Variants in RGS18 observed in about 807,000 individuals in gnomAD.
The protein encoded by RGS18 is regulator of G-protein signaling 18.
RGS18 carries 22 observed loss-of-function variants against 27.6 expected under a neutral mutation model. That is an observed-to-expected ratio of 0.80 (90% CI 0.57 to 1.14). The LOEUF is 1.14. Among genes scored for constraint, RGS18 ranks in the 50% most tolerant of loss-of-function variants. RGS18 has a pLI of 0.00. For synonymous variants in RGS18, 89 were observed against 84.6 expected, an observed-to-expected ratio of 1.05 and a Z score of -0.29; for missense variants, 299 against 269.6, an observed-to-expected ratio of 1.11 and a Z score of -0.76.
intron 4 of RGS18, among the ~76,000 whole-genome samples, chr1:192,181,758 A>G (rs1308635466): frequency 6.6e-6 from 1 of 151,554 alleles, no homozygotes; most frequent in Non-Finnish European, 1.5e-5. Context: ...ATTATTATTC[A>G]CTATAATCAC....
At position 192,181,468 on chromosome 1, in the gene RGS18, A is replaced by C. The variant is rs752077940; in HGVS notation, c.450+10A>C. 1 of 1,495,688 alleles carries C rather than the reference A, an allele frequency of 6.7e-7. No homozygotes were observed. The highest frequency in any genetic ancestry group is 1.4e-5 in the South Asian group (1 of 69,586). The allele number at this position is 1,495,688 out of a possible 1,614,324, so 92.7% of individuals were successfully genotyped here. ...TGATGCCCCAAAAGAGGTACAGTAAAGATAACTGTAAAAATGCATAATTGC... is the reference window on the plus strand; with the variant it reads ...TGATGCCCCAAAAGAGGTACAGTAACGATAACTGTAAAAATGCATAATTGC... On this transcript the variant is annotated intron_variant, in intron 4 of 4. Coordinates refer to ENST00000367460, the MANE Select transcript of RGS18 (RefSeq NM_130782.3).
chr1:192,176,356 C>T (rs1372511122), intron 3 of RGS18, among the ~76,000 whole-genome samples: 1 of 151,808 alleles, frequency 6.6e-6, no homozygotes, highest in Non-Finnish European at 1.5e-5. Flanking sequence ...TTCAGCAAGA[C>T]TTCTTACTAT....
chr1:192,174,894 C>T (rs1656332037), intron 3 of RGS18, among the ~76,000 whole-genome samples: 1 of 151,704 alleles, frequency 6.6e-6, no homozygotes, highest in Non-Finnish European at 1.5e-5. Flanking sequence ...AATGTTATCT[C>T]ATCATTGATA....
intron 3 of RGS18, among the ~76,000 whole-genome samples, chr1:192,170,758 G>A (rs1248297178): frequency 6.6e-6 from 1 of 151,816 alleles, no homozygotes; most frequent in Admixed American, 6.6e-5. Context: ...TTATCAAGCT[G>A]CTGTCAATCA....
rs1303865842 is a variant in RGS18 at position 192,184,582 on chromosome 1, A to G, written c.*28A>G. 6.3e-7 allele frequency: 1 copy of G among 1,589,808 alleles called. No homozygotes were observed. Reference sequence around the variant, plus strand: ...AAAATTGATTTTGCTCATTTTTATGACAAACTTATACATCTGCTTCTAACA... The same window carrying G: ...AAAATTGATTTTGCTCATTTTTATGGCAAACTTATACATCTGCTTCTAACA... On this transcript the variant is annotated 3_prime_UTR_variant, in exon 5 of 5. Transcript: ENST00000367460.
chr1:192,168,025 A>G (rs1214557672), intron 3 of RGS18: 2 of 152,166 alleles, frequency 1.3e-5, no homozygotes, highest in East Asian at 3.9e-4. Flanking sequence ...TGCATTTCAT[A>G]TTTGTATGAC....
At chr1:192,183,555 AT>A (rs1656492008) in intron 4 of RGS18, among the ~76,000 whole-genome samples, 1 of 151,638 alleles carries the variant, frequency 6.6e-6, no homozygotes. Flanking sequence ...AGGACCAGGA[AT>A]TCCAGGAGAG....
At chr1:192,169,121 T>C (rs1440057923) in intron 3 of RGS18, 5 of 152,208 alleles carry the variant, frequency 3.3e-5, no homozygotes, top group Non-Finnish European at 7.4e-5. Flanking sequence ...AAATAACAAT[T>C]TCAGCTATCT....
chr1:192,169,810 C>T (rs1177490905), intron 3 of RGS18: 1 of 152,132 alleles, frequency 6.6e-6, no homozygotes, highest in African/African-American at 2.4e-5. Context: ...AGAAATAAGA[C>T]ATTTTAGAAT....
chr1:192,161,712 G>A (rs190397900), intron 3 of RGS18, among the ~76,000 whole-genome samples: 15 of 152,104 alleles, frequency 9.9e-5, no homozygotes, highest in South Asian at 6.2e-4. Flanking sequence ...TCCTTGTAGC[G>A]TTGCCCGTGT....
At chr1:192,165,675 C>A (rs1464432961) in intron 3 of RGS18, among the ~76,000 whole-genome samples, 1 of 152,112 alleles carries the variant, frequency 6.6e-6, no homozygotes. Context: ...CCCCTGATAC[C>A]TTCTGCAAAA....
At chr1:192,160,739 C>T (rs889901796) in intron 3 of RGS18, 18 of 323,806 alleles carry the variant, frequency 5.6e-5, no homozygotes, top group African/African-American at 3.4e-4. Context: ...TTATCAAATT[C>T]ATGATTAACG....
rs1020689502 is a variant in RGS18 at position 192,185,389 on chromosome 1, G to A, written c.*835G>A. The A allele has an allele frequency of 6.6e-6, 1 of 151,552 alleles. No individual in the cohort carries two copies. Among genetic ancestry groups the A allele is most frequent in the African/African-American group, 2.4e-5 (1 of 41,358 alleles). 9.4% of individuals were successfully genotyped at this position (151,552 alleles called of 1,614,324 possible). A position where few individuals can be genotyped will look rare whatever the true frequency, so the allele number is the denominator to read the frequency against. On this transcript the variant is annotated 3_prime_UTR_variant, in exon 5 of 5. Transcript: ENST00000367460. ...ATCAATGGCTTGAATAAAAACCAGA[G>A]AAGGTTTTTCCCAGGACGTCTCATG...
chr1:192,183,386 T>G (rs1656488760), intron 4 of RGS18, among the ~76,000 whole-genome samples: 1 of 151,610 alleles, frequency 6.6e-6, no homozygotes, highest in Non-Finnish European at 1.5e-5. Flanking sequence ...AGCCCCACAT[T>G]AAAATCTCAA....
In RGS18 at chr1:192,159,919, T is replaced by C. The variant is rs564482530; in HGVS notation, c.222-459T>C. On this transcript the variant is annotated intron_variant, in intron 2 of 4. Transcript: ENST00000367460. ...TCTTATCCCTTTGAAACTTTATTAG[T>C]CAAACTTCCTGTATCCGTTTAAAAA... Among the ~76,000 whole-genome samples the C allele has an allele frequency of 7.3e-4, 111 of 152,184 alleles. 1 individual carries two copies. The highest frequency in any genetic ancestry group is 2.5e-3 in the African/African-American group (103 of 41,556).
rs548011137 is a variant in RGS18 at position 192,181,544 on chromosome 1, C to T, written c.450+86C>T. 4.8e-4 allele frequency: 444 copies of T among 916,616 alleles called. 8 individuals are homozygous for T. The South Asian group carries it at 8.9e-3, about 18-fold the overall frequency. The allele number at this position is 916,616 out of a possible 1,614,324, so 56.8% of individuals were successfully genotyped here. A position where few individuals can be genotyped will look rare whatever the true frequency, so the allele number is the denominator to read the frequency against. On this transcript the variant is annotated intron_variant, in intron 4 of 4. Coordinates refer to ENST00000367460, the MANE Select transcript of RGS18 (RefSeq NM_130782.3). The stretch of plus-strand genomic sequence containing the variant: ...TTTTAAATTGTGAATTATATTTTTC[C>T]AACTTATTTTTATTAATTTCATTTA...
Position 192,184,715 on chromosome 1 carries a change from C to T in RGS18, c.*161C>T, listed in dbSNP as rs143343822. On this transcript the variant is annotated 3_prime_UTR_variant, in exon 5 of 5. Transcript: ENST00000367460. Reference sequence around the variant, plus strand: ...AAACTTTCTGCTAACAAAATACATACAGTATCTGCCAGTATATTCTGTAAA... The same window carrying T: ...AAACTTTCTGCTAACAAAATACATATAGTATCTGCCAGTATATTCTGTAAA... 3.3e-4 allele frequency: 200 copies of T among 615,094 alleles called. No homozygotes were observed. The highest frequency in any genetic ancestry group is 4.7e-4 in the Non-Finnish European group (168 of 353,934). The allele number at this position is 615,094 out of a possible 1,614,324, so 38.1% of individuals were successfully genotyped here. A position where few individuals can be genotyped will look rare whatever the true frequency, so the allele number is the denominator to read the frequency against.
intron 3 of RGS18, among the ~76,000 whole-genome samples, chr1:192,173,819 G>C (rs114376181): frequency 6.6e-6 from 1 of 151,738 alleles, no homozygotes; most frequent in Non-Finnish European, 1.5e-5. Flanking sequence ...ACTCTTGCTA[G>C]GGGTTTTATT....
chr1:192,183,215 C>G (rs10921107), intron 4 of RGS18, among the ~76,000 whole-genome samples: 1 of 151,244 alleles, frequency 6.6e-6, no homozygotes, highest in African/African-American at 2.4e-5. Flanking sequence ...AAGAAAGCCC[C>G]TACCTGAAAA....
Sources: allele counts gnomAD v4.1 joint callset (sites outside exome capture counted in the v4.1 genomes callset), GRCh38; gene constraint gnomAD v4.1.1; transcripts MANE v1.5; gene names NCBI Gene and HGNC (gene_info 2026-07-23, HGNC 2026-07-21).